SHISA6: variants seen among roughly 807,000 people sequenced by gnomAD.
SHISA6 encodes the protein shisa family member 6.
SHISA6 carries 22 observed loss-of-function variants against 47.9 expected under a neutral mutation model. That is an observed-to-expected ratio of 0.46 (90% CI 0.33 to 0.66). SHISA6 has a LOEUF of 0.66. Among genes scored for constraint, SHISA6 ranks in the 30% least tolerant of loss-of-function variants. The pLI, the probability that SHISA6 is intolerant of heterozygous loss-of-function variation, is 0.02. For synonymous variants in SHISA6, 388 were observed against 337.8 expected (o/e 1.15, Z -1.63); for missense variants, 680 against 764.6 (o/e 0.89, Z 1.30).
chr17:11,555,000 C>G (rs753359994), intron 4 of SHISA6, among the ~76,000 whole-genome samples: 5 of 152,152 alleles, frequency 3.3e-5, no homozygotes, highest in Non-Finnish European at 4.4e-5. Flanking sequence ...TCCATCTCTT[C>G]AGATTCTTGC....
chr17:11,295,333 A>G (rs1436685357), intron 2 of SHISA6, among the ~76,000 whole-genome samples: 2 of 152,220 alleles, frequency 1.3e-5, no homozygotes, highest in African/African-American at 4.8e-5. Flanking sequence ...TTGAGCACCT[A>G]CTAAGTCTCA....
At chr17:11,486,915 G>T (rs1220439706) in intron 3 of SHISA6, among the ~76,000 whole-genome samples, 1 of 152,192 alleles carries the variant, frequency 6.6e-6, no homozygotes, top group African/African-American at 2.4e-5. Context: ...CTAGCCCGGG[G>T]GTCTGCCAGC....
At chr17:11,499,110 G>C (rs1192669126) in intron 3 of SHISA6, among the ~76,000 whole-genome samples, 1 of 152,130 alleles carries the variant, frequency 6.6e-6, no homozygotes, top group African/African-American at 2.4e-5. Flanking sequence ...TGAGCACCCA[G>C]CCCACTGAAG....
At chr17:11,368,847 G>C (rs1434706658) in intron 2 of SHISA6, among the ~76,000 whole-genome samples, 1 of 152,156 alleles carries the variant, frequency 6.6e-6, no homozygotes, top group Non-Finnish European at 1.5e-5. Context: ...AGTAGAGACA[G>C]GGTTTCACTA....
intron 2 of SHISA6, among the ~76,000 whole-genome samples, chr17:11,272,965 A>G (rs1908736532): frequency 6.6e-6 from 1 of 152,210 alleles, no homozygotes; most frequent in Admixed American, 6.5e-5. Context: ...GTCTTGTTGT[A>G]GACACTCGTG....
intron 2 of SHISA6, chr17:11,290,533 G>T (rs964943202): frequency 1.3e-5 from 2 of 151,846 alleles, no homozygotes; most frequent in African/African-American, 2.4e-5. Context: ...TGTGTTTTTA[G>T]TAGAGACGGG....
At chr17:11,278,828 G>T (rs954751900) in intron 2 of SHISA6, among the ~76,000 whole-genome samples, 1 of 152,178 alleles carries the variant, frequency 6.6e-6, no homozygotes. Flanking sequence ...TTTAATACAC[G>T]TGGCGTTTCT....
At chr17:11,343,886 A>G (rs1318206182) in intron 2 of SHISA6, among the ~76,000 whole-genome samples, 3 of 152,202 alleles carry the variant, frequency 2.0e-5, no homozygotes, top group African/African-American at 7.2e-5. Context: ...ACAGGGTTTC[A>G]CCATGTTGGC....
At chr17:11,474,713 T>C (rs1341602444) in intron 3 of SHISA6, among the ~76,000 whole-genome samples, 1 of 152,228 alleles carries the variant, frequency 6.6e-6, no homozygotes, top group Non-Finnish European at 1.5e-5. Flanking sequence ...TGTCCTTTCA[T>C]TAATACCACA....
chr17:11,558,450 C>T lies in SHISA6; in HGVS notation c.*146C>T, dbSNP rs901566963. 47 of 921,830 alleles carry T rather than the reference C, an allele frequency of 5.1e-5. No individual in the cohort carries two copies. Among genetic ancestry groups the T allele is most frequent in the Admixed American group, 1.4e-4 (5 of 36,966 alleles). 57.1% of individuals were successfully genotyped at this position (921,830 alleles called of 1,614,324 possible). A position where few individuals can be genotyped will look rare whatever the true frequency, so the allele number is the denominator to read the frequency against. The stretch of plus-strand genomic sequence containing the variant: ...GGGTGGGCCACCTTTGCCCAAAAAG[C>T]CATACCCCCGGGGACACAGCCCCGA... On this transcript the variant is annotated 3_prime_UTR_variant, in exon 6 of 6. Transcript: ENST00000441885.
At chr17:11,414,257 G>A (rs1425114417) in intron 3 of SHISA6, among the ~76,000 whole-genome samples, 1 of 152,138 alleles carries the variant, frequency 6.6e-6, no homozygotes, top group Non-Finnish European at 1.5e-5. Context: ...CTGCAAAACA[G>A]TATTGGGACA....
rs3038693 is a variant in SHISA6, at chr17:11,481,336, ATGTG to A, written c.896-70532_896-70529del. On this transcript the variant is annotated intron_variant, in intron 3 of 5. Transcript: ENST00000441885. ...CGAGACACCCTCTCAAAAAATATAT[ATGTG>A]TGTGTGTGTGTGTGTGTGTGTGTGT... 4.6e-3 allele frequency among the ~76,000 whole-genome samples: 657 copies of A among 141,468 alleles called. 6 individuals are homozygous for A. The highest frequency in any genetic ancestry group is 0.018 in the East Asian group (86 of 4,844). 92.8% of individuals were successfully genotyped at this position (141,468 alleles called of 152,430 possible). A position where few individuals can be genotyped will look rare whatever the true frequency, so the allele number is the denominator to read the frequency against.
intron 3 of SHISA6, among the ~76,000 whole-genome samples, chr17:11,436,726 A>C (rs1914954256): frequency 6.6e-6 from 1 of 152,236 alleles, no homozygotes; most frequent in African/African-American, 2.4e-5. Context: ...ACATGGATGA[A>C]TCCCAATGCT....
intron 2 of SHISA6, among the ~76,000 whole-genome samples, chr17:11,269,274 T>A (rs1908551063): frequency 6.6e-6 from 1 of 152,158 alleles, no homozygotes; most frequent in African/African-American, 2.4e-5. Flanking sequence ...TCTCTTGACC[T>A]CGTGACCCAC....
At chr17:11,453,933 C>A in intron 3 of SHISA6, among the ~76,000 whole-genome samples, 1 of 152,188 alleles carries the variant, frequency 6.6e-6, no homozygotes, top group East Asian at 1.9e-4. Flanking sequence ...TCGATTTACC[C>A]ACTGAAGGAC....
chr17:11,446,431 G>GCCGCCTCTGGCTGCCCCTC (rs1312029367), intron 3 of SHISA6, among the ~76,000 whole-genome samples: 1 of 152,204 alleles, frequency 6.6e-6, no homozygotes, highest in African/African-American at 2.4e-5. Flanking sequence ...CTCTGGCCCT[G>GCCGCCTCTGGCTGCCCCTC]CCGCCTCTGG....
chr17:11,354,260 A>G (rs1912001998), intron 2 of SHISA6, among the ~76,000 whole-genome samples: 1 of 152,172 alleles, frequency 6.6e-6, no homozygotes, highest in South Asian at 2.1e-4. Context: ...CGGATTCAGT[A>G]GGCCCAGGGT....
At chr17:11,479,307 G>T (rs551462305) in intron 3 of SHISA6, among the ~76,000 whole-genome samples, 1 of 152,106 alleles carries the variant, frequency 6.6e-6, no homozygotes, top group Non-Finnish European at 1.5e-5. Flanking sequence ...CATGTCCTTT[G>T]TTAGGACATG....
intron 2 of SHISA6, among the ~76,000 whole-genome samples, chr17:11,324,605 G>T (rs576506354): frequency 6.6e-6 from 1 of 152,172 alleles, no homozygotes; most frequent in African/African-American, 2.4e-5. Flanking sequence ...CTCCAGATTG[G>T]GGGGTGGAGA....
Sources: gnomAD v4.1 joint callset for allele counts (sites outside exome capture counted in the v4.1 genomes callset) on GRCh38, gnomAD v4.1.1 for gene constraint, MANE v1.5 for transcripts, NCBI Gene and HGNC (gene_info 2026-07-23, HGNC 2026-07-21) for gene names.